NRG1: variants seen among roughly 807,000 people sequenced by gnomAD.
NRG1 encodes neuregulin 1.
A neutral mutation model predicts 63.8 loss-of-function variants in NRG1; 18 were observed. The ratio of observed to expected loss-of-function variants is 0.28; its 90% CI spans 0.19 to 0.42. The LOEUF (loss-of-function observed/expected upper bound fraction) is 0.42, where lower values mean the gene tolerates loss of function less well. Among genes scored for constraint, NRG1 ranks in the 10% least tolerant of loss-of-function variants. The pLI is 1.00. For synonymous variants in NRG1, 302 were observed against 301.3 expected (o/e 1.00, Z -0.02); for missense variants, 762 against 814.7 (o/e 0.94, Z 0.79).
intron 1 of NRG1, among the ~76,000 whole-genome samples, chr8:31,816,974 A>G (rs1823509755): frequency 6.6e-6 from 1 of 152,212 alleles, no homozygotes; most frequent in South Asian, 2.1e-4. Context: ...AAAATTTGTC[A>G]TTGTTCAAAC....
At chr8:32,646,941 T>A in intron 5 of NRG1, 1 of 981,990 alleles carries the variant, frequency 1.0e-6, no homozygotes, top group South Asian at 4.7e-5. Flanking sequence ...CGGGCTTGGA[T>A]GAAGAAGGGA....
At chr8:32,004,253 G>A (rs946049653) in intron 1 of NRG1, among the ~76,000 whole-genome samples, 1 of 151,874 alleles carries the variant, frequency 6.6e-6, no homozygotes, top group Non-Finnish European at 1.5e-5. Flanking sequence ...GGCAGTGGAT[G>A]GGGAGGGAAA....
At chr8:32,557,312 G>A (rs1365695600) in intron 1 of NRG1, among the ~76,000 whole-genome samples, 2 of 152,140 alleles carry the variant, frequency 1.3e-5, no homozygotes, top group African/African-American at 2.4e-5. Context: ...CAGCAAGTAG[G>A]CATTGTTTTT....
intron 1 of NRG1, among the ~76,000 whole-genome samples, chr8:31,654,118 G>A (rs992020100): frequency 1.3e-5 from 2 of 151,902 alleles, no homozygotes; most frequent in Non-Finnish European, 2.9e-5. Context: ...TTTATTTCCA[G>A]TAACTTGCAA....
chr8:31,659,415 AACC>A (rs1805746836), intron 1 of NRG1, among the ~76,000 whole-genome samples: 1 of 152,200 alleles, frequency 6.6e-6, no homozygotes, highest in Non-Finnish European at 1.5e-5. Flanking sequence ...AGCATCTGGG[AACC>A]ATGCAACCAT....
At chr8:32,735,737 A>G (rs1824868143) in intron 6 of NRG1, among the ~76,000 whole-genome samples, 1 of 152,198 alleles carries the variant, frequency 6.6e-6, no homozygotes, top group Non-Finnish European at 1.5e-5. Flanking sequence ...CAAGGGTTTT[A>G]GTCTTTCTGC....
chr8:32,420,086 A>C (rs775717663), intron 1 of NRG1, among the ~76,000 whole-genome samples: 5 of 152,160 alleles, frequency 3.3e-5, no homozygotes, highest in Non-Finnish European at 7.4e-5. Context: ...TAGAGAGTCC[A>C]CGTTGCTGCT....
At chr8:32,097,918 CAAGG>C (rs1830088395) in intron 1 of NRG1, among the ~76,000 whole-genome samples, 1 of 152,074 alleles carries the variant, frequency 6.6e-6, no homozygotes, top group South Asian at 2.1e-4. Context: ...GTCTGGAACT[CAAGG>C]AAGAGGTCAG....
chr8:31,848,598 C>A (rs947747214), intron 1 of NRG1, among the ~76,000 whole-genome samples: 1 of 152,180 alleles, frequency 6.6e-6, no homozygotes, highest in African/African-American at 2.4e-5. Context: ...TCTTCTGTAC[C>A]TACAGCCACT....
rs1554497406 is a variant in NRG1 at position 32,284,489 on chromosome 8, G to GCGTGCCTGCCTGCCTGCCTGCCTGCCTT, written c.38-311338_38-311337insGTGCCTGCCTGCCTGCCTGCCTGCCTTC. Among the ~76,000 whole-genome samples, 809 of 132,546 alleles carry GCGTGCCTGCCTGCCTGCCTGCCTGCCTT rather than the reference G, an allele frequency of 6.1e-3. 1 individual carries two copies. The highest frequency in any genetic ancestry group is 0.021 in the South Asian group (77 of 3,712). The allele number at this position is 132,546 out of a possible 152,430, so 87.0% of individuals were successfully genotyped here. A position where few individuals can be genotyped will look rare whatever the true frequency, so the allele number is the denominator to read the frequency against. On this transcript the variant is annotated intron_variant, in intron 1 of 10. Coordinates refer to the NRG1 transcript ENST00000519301. ...ATAATGCTTGCCTCCCTGCCTGCCT[G>GCGTGCCTGCCTGCCTGCCTGCCTGCCTT]CCTTCCTTCCTTCCTTCCTTCCTTC...
chr8:32,108,894 C>A (rs755826016), intron 1 of NRG1, among the ~76,000 whole-genome samples: 1 of 152,042 alleles, frequency 6.6e-6, no homozygotes, highest in Non-Finnish European at 1.5e-5. Context: ...TGCTGCAGAA[C>A]CGTAAGATAA....
chr8:32,077,369 C>T (rs534032486), intron 1 of NRG1, among the ~76,000 whole-genome samples: 17 of 151,766 alleles, frequency 1.1e-4, no homozygotes, highest in South Asian at 4.2e-4. Flanking sequence ...TTCATCCCCT[C>T]CCCCCCAAAA....
chr8:31,817,658 A>T (rs184268802), intron 1 of NRG1, among the ~76,000 whole-genome samples: 15 of 152,318 alleles, frequency 9.8e-5, no homozygotes, highest in Admixed American at 6.5e-4. Context: ...TCTGTGTTTA[A>T]ACTTTCTCAG....
intron 1 of NRG1, among the ~76,000 whole-genome samples, chr8:31,718,015 C>G (rs1327868006): frequency 6.6e-6 from 1 of 152,098 alleles, no homozygotes; most frequent in Non-Finnish European, 1.5e-5. Flanking sequence ...CATGTTTGAT[C>G]TTTTTCTATC....
intron 1 of NRG1, among the ~76,000 whole-genome samples, chr8:32,280,237 G>A (rs1032424608): frequency 3.9e-5 from 6 of 152,188 alleles, no homozygotes; most frequent in Admixed American, 2.0e-4. Context: ...TCTAAATTCC[G>A]TTTGACTTCC....
At chr8:32,295,961 G>A (rs1019901020) in intron 1 of NRG1, among the ~76,000 whole-genome samples, 2 of 149,870 alleles carry the variant, frequency 1.3e-5, no homozygotes, top group Non-Finnish European at 3.0e-5. Flanking sequence ...AAAAAAGAGA[G>A]AGAGAGAGAC....
chr8:32,763,937 GC>G lies in NRG1; in HGVS notation c.1450del (p.Arg484GlyfsTer31). 1 of 1,614,038 alleles carries G rather than the reference GC, an allele frequency of 6.2e-7. No individual in the cohort carries two copies. Among genetic ancestry groups the G allele is most frequent in the Non-Finnish European group, 8.5e-7 (1 of 1,179,964 alleles). ...TACTTCTCGTGACACCACCAAGGCT[GC>G]GGGAGAAGAAGTTTGACCATCACCC... On this transcript the variant is annotated frameshift_variant, in exon 12 of 12. Coordinates refer to ENST00000356819, the Ensembl canonical transcript of NRG1. LOFTEE classifies it high-confidence loss of function.
chr8:31,814,757 C>T (rs1470274596), intron 1 of NRG1, among the ~76,000 whole-genome samples: 1 of 151,436 alleles, frequency 6.6e-6, no homozygotes, highest in Admixed American at 6.6e-5. Flanking sequence ...TGTTTCTTTT[C>T]CATTTAATGT....
intron 1 of NRG1, among the ~76,000 whole-genome samples, chr8:31,959,663 A>G: frequency 6.6e-6 from 1 of 152,304 alleles, no homozygotes; most frequent in African/African-American, 2.4e-5. Flanking sequence ...ATCTTTAAGC[A>G]TTTTGAAATA....
Sources: allele counts gnomAD v4.1 joint callset (sites outside exome capture counted in the v4.1 genomes callset), GRCh38; gene constraint gnomAD v4.1.1; transcripts MANE v1.5; gene names NCBI Gene and HGNC (gene_info 2026-07-23, HGNC 2026-07-21).